MYOM2: variants seen among roughly 807,000 people sequenced by gnomAD.
MYOM2 encodes myomesin 2.
In MYOM2, 254 loss-of-function variants were observed where a neutral mutation model predicts 187.6. The observed-to-expected ratio is 1.35, with a 90% CI of 1.22 to 1.50. The LOEUF (loss-of-function observed/expected upper bound fraction) is 1.50. MYOM2 is among the 40% of genes most tolerant of loss of function. The pLI, the probability that MYOM2 is intolerant of heterozygous loss-of-function variation, is 0.00. For synonymous variants in MYOM2, 981 were observed against 753.8 expected (o/e 1.30, Z -4.94); for missense variants, 2,796 against 1,924.0 (o/e 1.45, Z -8.48).
intron 21 of MYOM2, among the ~76,000 whole-genome samples, chr8:2,104,952 G>A (rs1177108850): frequency 6.6e-6 from 1 of 152,120 alleles, no homozygotes; most frequent in Non-Finnish European, 1.5e-5. Context: ...TTATTATTCT[G>A]TTTTTTATAG....
At chr8:2,129,878 C>G (rs532939857) in intron 32 of MYOM2, among the ~76,000 whole-genome samples, 7 of 152,060 alleles carry the variant, frequency 4.6e-5, no homozygotes, top group African/African-American at 1.7e-4. Flanking sequence ...CGAGGAGTCC[C>G]CAAAACAGGA....
intron 32 of MYOM2, among the ~76,000 whole-genome samples, chr8:2,135,543 T>C (rs74756704): frequency 0.13 from 19,787 of 152,056 alleles, 2,173 homozygotes; most frequent in African/African-American, 0.28. Context: ...GTCTCCTTCC[T>C]ACCTACCCCG....
intron 11 of MYOM2, among the ~76,000 whole-genome samples, chr8:2,077,065 A>G (rs1819450513): frequency 6.6e-6 from 1 of 152,234 alleles, no homozygotes; most frequent in Admixed American, 6.5e-5. Flanking sequence ...TAATCCCAGC[A>G]CTTTGGGAGG....
intron 32 of MYOM2, among the ~76,000 whole-genome samples, chr8:2,136,643 A>G (rs191829782): frequency 0.13 from 19,803 of 152,118 alleles, 2,180 homozygotes; most frequent in African/African-American, 0.28. Flanking sequence ...TGGGGCCCTT[A>G]TCTCCACTGC....
intron 10 of MYOM2, among the ~76,000 whole-genome samples, chr8:2,075,852 G>T (rs1221877813): frequency 6.6e-6 from 1 of 152,222 alleles, no homozygotes; most frequent in Non-Finnish European, 1.5e-5. Flanking sequence ...ATGCACCATA[G>T]CAGGACCAAG....
rs779027327 is a variant in MYOM2 at position 2,092,479 on chromosome 8, C to T, written c.1962C>T (p.Asn654=). 4 of 1,614,104 alleles carry T rather than the reference C, an allele frequency of 2.5e-6. No individual in the cohort carries two copies. Among genetic ancestry groups the T allele is most frequent in the East Asian group, 4.5e-5 (2 of 44,860 alleles). ...YYVDCCVAGT[N]LWEPCNHKPI... ...TGGACTGCTGTGTGGCCGGAACCAA[C>T]CTCTGGGAGCCCTGCAACCACAAGC... Residue 654 remains asparagine (N), a synonymous_variant, in exon 16 of 37, where the codon AAC becomes AAT. Transcript: ENST00000262113.
chr8:2,109,480 A>G lies in MYOM2; in HGVS notation c.3129A>G (p.Pro1043=). Residue 1043 remains proline (P), a synonymous_variant, in exon 25 of 37, where the codon CCA becomes CCG. Transcript: ENST00000262113. ...RFWLQAEHLS[P]DASYRFIIND... is the part of the protein sequence containing the mutation. ...GGCTCCAGGCTGAGCACTTATCACC[A>G]GATGCCAGCTACCGATTTATTATTA... 1 of 1,613,526 alleles carries G rather than the reference A, an allele frequency of 6.2e-7. No homozygotes were observed.
chr8:2,068,925 A>T (rs1459978121), intron 6 of MYOM2, among the ~76,000 whole-genome samples: 1 of 152,242 alleles, frequency 6.6e-6, no homozygotes, highest in African/African-American at 2.4e-5. Flanking sequence ...GAGGCTGTCC[A>T]TTGACAAGAT....
At chr8:2,101,528 G>T (rs12547910) in intron 20 of MYOM2, among the ~76,000 whole-genome samples, 1 of 151,924 alleles carries the variant, frequency 6.6e-6, no homozygotes, top group Admixed American at 6.5e-5. Context: ...GGATGCAGCC[G>T]CCATGCGCGT....
chr8:2,092,636 TC>T (rs113742610), intron 16 of MYOM2, 116 bp downstream of exon 16: 7 of 1,115,430 alleles, frequency 6.3e-6, no homozygotes, highest in African/African-American at 4.7e-5. Context: ...CGTAAATGAG[TC>T]TGTCTTAGCC....
At chr8:2,075,443 T>G (rs1246681738) in intron 10 of MYOM2, among the ~76,000 whole-genome samples, 1 of 152,160 alleles carries the variant, frequency 6.6e-6, no homozygotes. Context: ...TTTGGCTCAA[T>G]GTCAGGAAAT....
rs778666567 is a variant in MYOM2, at chr8:2,098,892, C to G, written c.2349C>G (p.Phe783Leu). 14 of 1,613,220 alleles carry G rather than the reference C, an allele frequency of 8.7e-6. No individual in the cohort carries two copies. The Admixed American group carries it at 2.3e-4, about 27-fold the overall frequency. ...DGLTEGSLYEFKIAAVNLAGI... is the reference protein window; with the variant it reads ...DGLTEGSLYELKIAAVNLAGI... ...TGACGGAAGGCTCACTCTACGAGTT[C>G]AAAATCGCCGCCGTCAACCTGGCCG... Residue 783 changes from phenylalanine to leucine, a missense_variant, in exon 19 of 37, where the codon TTC (phenylalanine) becomes TTG (leucine). Phe to Leu is a conservative substitution (Grantham distance 22, BLOSUM62 0). Coordinates refer to ENST00000262113, the MANE Select transcript of MYOM2 (RefSeq NM_003970.4).
intron 13 of MYOM2, among the ~76,000 whole-genome samples, chr8:2,084,811 A>G (rs1819752172): frequency 6.6e-6 from 1 of 152,176 alleles, no homozygotes; most frequent in Non-Finnish European, 1.5e-5. Context: ...AAGTGCTCTG[A>G]GGGCACACGG....
chr8:2,070,010 G>A (rs185166446), intron 8 of MYOM2, among the ~76,000 whole-genome samples: 7 of 152,240 alleles, frequency 4.6e-5, no homozygotes, highest in East Asian at 1.9e-4. Context: ...CCAGAGACCC[G>A]CCCCAGGCCT....
chr8:2,057,913 GT>G, intron 5 of MYOM2, 133 bp downstream of exon 5: 1 of 771,664 alleles, frequency 1.3e-6, no homozygotes, highest in Non-Finnish European at 1.9e-6. Context: ...GCAGAAATAT[GT>G]TTATAGAAGC....
chr8:2,071,255 A>G (rs796619929), intron 8 of MYOM2, among the ~76,000 whole-genome samples: 42 of 152,156 alleles, frequency 2.8e-4, no homozygotes, highest in African/African-American at 9.9e-4. Flanking sequence ...TTGGCCTCCC[A>G]AAGTGCTGGG....
chr8:2,060,880 G>A (rs898638611), intron 6 of MYOM2, among the ~76,000 whole-genome samples: 2 of 152,130 alleles, frequency 1.3e-5, no homozygotes, highest in African/African-American at 4.8e-5. Context: ...GAGAGAAACC[G>A]GGCTCAGCTC....
chr8:2,110,358 G>A (rs1249455516), intron 25 of MYOM2, among the ~76,000 whole-genome samples: 1 of 152,120 alleles, frequency 6.6e-6, no homozygotes, highest in African/African-American at 2.4e-5. Context: ...GCTCTGTCAC[G>A]GTCCAGACAC....
At chr8:2,104,784 G>C (rs1796837202) in intron 21 of MYOM2, among the ~76,000 whole-genome samples, 1 of 152,016 alleles carries the variant, frequency 6.6e-6, no homozygotes, top group African/African-American at 2.4e-5. Flanking sequence ...GACCCAGCAT[G>C]GGAGGCAGCC....
Sources: allele counts gnomAD v4.1 joint callset (sites outside exome capture counted in the v4.1 genomes callset), GRCh38; gene constraint gnomAD v4.1.1; transcripts MANE v1.5; gene names NCBI Gene and HGNC (gene_info 2026-07-23, HGNC 2026-07-21).